Variants in DMTF1 observed in about 807,000 individuals in gnomAD.
DMTF1 encodes the protein cyclin-D-binding Myb-like transcription factor 1.
In DMTF1, 39 loss-of-function variants were observed where a neutral mutation model predicts 91.1. That is an observed-to-expected ratio of 0.43 (90% confidence interval 0.33 to 0.56). DMTF1 has a LOEUF of 0.56. Ranked by LOEUF, DMTF1 falls within the 20% of genes least tolerant of loss-of-function variation. The probability of loss-of-function intolerance (pLI) is 0.05; values close to 1 mark genes in which losing one functional copy is unlikely to be tolerated. For missense variants in DMTF1, 750 were observed against 914.5 expected (o/e 0.82, Z 2.32); for synonymous variants, 338 against 309.5 (o/e 1.09, Z -0.97).
At chr7:87,153,286 C>T (rs748592090) in intron 1 of DMTF1, among the ~76,000 whole-genome samples, 1 of 152,040 alleles carries the variant, frequency 6.6e-6, no homozygotes, top group Non-Finnish European at 1.5e-5. Context: ...TGGTGGAGCA[C>T]GGAAAATGCG....
intron 1 of DMTF1, among the ~76,000 whole-genome samples, chr7:87,158,258 A>G (rs1249109736): frequency 6.6e-6 from 1 of 152,096 alleles, no homozygotes; most frequent in African/African-American, 2.4e-5. Context: ...CTTGGTAAAG[A>G]TGCCACATGT....
At chr7:87,171,963 T>C (rs1021809556) in intron 5 of DMTF1, among the ~76,000 whole-genome samples, 2 of 152,210 alleles carry the variant, frequency 1.3e-5, no homozygotes, top group African/African-American at 4.8e-5. Context: ...AAATAGTGGT[T>C]AATCAGCATA....
chr7:87,154,945 A>C (rs1416543866), intron 1 of DMTF1, among the ~76,000 whole-genome samples: 1 of 152,214 alleles, frequency 6.6e-6, no homozygotes, highest in Non-Finnish European at 1.5e-5. Context: ...AGCCTCATTT[A>C]TCTCTCCAAA....
chr7:87,186,062 G>A (rs1174496459), intron 12 of DMTF1, 82 bp downstream of exon 12: 2 of 1,470,724 alleles, frequency 1.4e-6, no homozygotes, highest in East Asian at 2.3e-5. Flanking sequence ...GAAGTTCTTT[G>A]CCCCAGCTAG....
chr7:87,194,002 T>C lies in DMTF1; in HGVS notation c.1928T>C (p.Leu643Pro), dbSNP rs1325093309. ...TTCAGTGACCAAAATAGCACAGAAC[T>C]GATGAATAGTGTTATGGTCAGAACA... ...SKFSDQNSTE[L>P]MNSVMVRTEE... Residue 643 changes from leucine (L) to proline (P), a missense_variant, in exon 16 of 18, where the codon CTG becomes CCG. Around this residue, in one of 3 missense-constraint regions of DMTF1, gnomAD observed 410 missense variants for 420.2 expected, o/e 0.98. Coordinates refer to ENST00000331242, the MANE Select transcript of DMTF1 (RefSeq NM_001142327.2). 1.2e-6 allele frequency: 2 copies of C among 1,613,284 alleles called. No homozygotes were observed. The highest frequency in any genetic ancestry group is 1.1e-5 in the South Asian group (1 of 91,066).
rs369575985 is a variant in DMTF1, at chr7:87,173,518, A to T, written c.328-17A>T. On this transcript the variant is annotated splice_polypyrimidine_tract_variant and intron_variant, in intron 5 of 17. Coordinates refer to ENST00000331242, the MANE Select transcript of DMTF1 (RefSeq NM_001142327.2). ...GTTTTGTTTTGTTTTGTTTTGTTTT[A>T]CTTTTACCTTTTCAAGATTTTGCAG... The T allele has an allele frequency of 1.3e-6, 2 of 1,526,478 alleles. No individual in the cohort carries two copies. Among genetic ancestry groups the T allele is most frequent in the Non-Finnish European group, 1.8e-6 (2 of 1,109,928 alleles). 94.6% of individuals were successfully genotyped at this position (1,526,478 alleles called of 1,614,324 possible). A position where few individuals can be genotyped will look rare whatever the true frequency, so the allele number is the denominator to read the frequency against.
chr7:87,171,039 A>G lies in DMTF1; in HGVS notation c.277A>G (p.Thr93Ala). The part of the protein sequence containing the change: ...QSFEVTMTAT[T>A]EVADDEVTEG... ...CTTTGAAGTGACCATGACTGCAACCACAGAAGTAGCAGATGATGAGGTTAC... is the reference window on the plus strand; with the variant it reads ...CTTTGAAGTGACCATGACTGCAACCGCAGAAGTAGCAGATGATGAGGTTAC... The change falls in exon 5 of 18, where the codon ACA (threonine) becomes GCA (alanine). Residue 93 changes from threonine to alanine, a missense_variant. Physicochemically the swap from Thr to Ala is moderately conservative, Grantham distance 58. Coordinates refer to ENST00000331242, the MANE Select transcript of DMTF1 (RefSeq NM_001142327.2). 6.2e-7 allele frequency: 1 copy of G among 1,612,644 alleles called. No homozygotes were observed. Among genetic ancestry groups the G allele is most frequent in the African/African-American group, 1.3e-5 (1 of 74,974 alleles).
chr7:87,161,510 C>CAAAA (rs112129497), intron 1 of DMTF1, among the ~76,000 whole-genome samples: 5,607 of 152,168 alleles, frequency 0.037, 125 homozygotes, highest in East Asian at 0.065. Context: ...TCAAAAACCA[C>CAAAA]AAAAGATGAC....
chr7:87,186,063 C>T (rs762170246), intron 12 of DMTF1, 83 bp downstream of exon 12: 88 of 1,462,308 alleles, frequency 6.0e-5, no homozygotes, highest in Non-Finnish European at 8.1e-5. Context: ...AAGTTCTTTG[C>T]CCCAGCTAGA....
intron 1 of DMTF1, among the ~76,000 whole-genome samples, chr7:87,156,830 A>T (rs184491842): frequency 2.8e-4 from 42 of 152,278 alleles, no homozygotes; most frequent in Admixed American, 1.7e-3. Flanking sequence ...TTTTTAAAGC[A>T]TTAGTTATAC....
intron 9 of DMTF1, 106 bp from the exon 10 acceptor site, chr7:87,182,122 A>G: frequency 1.9e-6 from 3 of 1,563,998 alleles, no homozygotes; most frequent in Non-Finnish European, 2.6e-6. Context: ...GCTGCCCACA[A>G]CTTCCAAACC....
intron 1 of DMTF1, among the ~76,000 whole-genome samples, chr7:87,160,068 A>G (rs1484697576): frequency 1.3e-5 from 2 of 152,200 alleles, no homozygotes; most frequent in African/African-American, 4.8e-5. Flanking sequence ...AGGTTCATGT[A>G]TAATGAATTG....
intron 7 of DMTF1, among the ~76,000 whole-genome samples, chr7:87,176,812 A>G (rs1388155120): frequency 6.6e-6 from 1 of 152,192 alleles, no homozygotes; most frequent in African/African-American, 2.4e-5. Context: ...GTGCTCTTCT[A>G]AGACTTCTGT....
At chr7:87,160,386 T>C (rs920545135) in intron 1 of DMTF1, among the ~76,000 whole-genome samples, 3 of 151,872 alleles carry the variant, frequency 2.0e-5, no homozygotes, top group Non-Finnish European at 4.4e-5. Flanking sequence ...GTGATTCTCC[T>C]GCCTCAGCCT....
chr7:87,183,370 G>T (rs1016455114), intron 10 of DMTF1, among the ~76,000 whole-genome samples: 7 of 152,178 alleles, frequency 4.6e-5, no homozygotes, highest in African/African-American at 1.7e-4. Context: ...ACAAAATTTG[G>T]AAGGACACAG....
At chr7:87,159,010 C>T (rs1791513004) in intron 1 of DMTF1, among the ~76,000 whole-genome samples, 1 of 152,020 alleles carries the variant, frequency 6.6e-6, no homozygotes, top group Non-Finnish European at 1.5e-5. Context: ...TTCCCCTGTT[C>T]TTTTAAAAAA....
chr7:87,178,385 TTTCTA>T (rs1204200772), intron 7 of DMTF1, among the ~76,000 whole-genome samples: 6 of 152,082 alleles, frequency 3.9e-5, no homozygotes, highest in African/African-American at 1.2e-4. Flanking sequence ...TGATTCATCT[TTTCTA>T]TTCTTTATAA....
At chr7:87,172,886 G>T (rs1795407836) in intron 5 of DMTF1, among the ~76,000 whole-genome samples, 2 of 152,212 alleles carry the variant, frequency 1.3e-5, no homozygotes, top group Admixed American at 1.3e-4. Flanking sequence ...AGAAGACTTA[G>T]CTGCATTAAG....
At chr7:87,153,853 T>A (rs1789982031) in intron 1 of DMTF1, among the ~76,000 whole-genome samples, 1 of 152,234 alleles carries the variant, frequency 6.6e-6, no homozygotes, top group Non-Finnish European at 1.5e-5. Flanking sequence ...AAAATATTCT[T>A]CCACTATGTT....
Sources: gnomAD v4.1 joint callset for allele counts (sites outside exome capture counted in the v4.1 genomes callset) on GRCh38, gnomAD v4.1.1 for gene constraint, gnomAD v4.1.1 regional missense constraint, MANE v1.5 for transcripts, NCBI Gene and HGNC (gene_info 2026-07-23, HGNC 2026-07-21) for gene names.